The following ABHD18 variants were observed in gnomAD, a reference collection of about 807,000 sequenced individuals.
ABHD18 encodes the protein cardiolipin-specific deacylase, mitochondrial.
ABHD18 carries 55 observed loss-of-function variants against 65.9 expected under a neutral mutation model. The observed-to-expected ratio is 0.84, with a 90% CI of 0.67 to 1.05. The LOEUF (loss-of-function observed/expected upper bound fraction) is 1.05. Among genes scored for constraint, ABHD18 ranks in the 50% least tolerant of loss-of-function variants. The pLI, the probability that ABHD18 is intolerant of heterozygous loss-of-function variation, is 0.00. For synonymous variants in ABHD18, 181 were observed against 180.2 expected, an observed-to-expected ratio of 1.00 and a Z score of -0.04; for missense variants, 533 against 558.5, an observed-to-expected ratio of 0.95 and a Z score of 0.46.
Position 128,028,733 on chromosome 4 carries a change from C to A in ABHD18, c.1060C>A (p.Arg354Ser). 6.2e-7 allele frequency: 1 copy of A among 1,613,854 alleles called. No homozygotes were observed. The highest frequency in any genetic ancestry group is 8.5e-7 in the Non-Finnish European group (1 of 1,179,856). The change falls in exon 11 of 13, where the codon CGC becomes AGC. Residue 354 changes from arginine (R) to serine (S), a missense_variant. Arg to Ser is a moderately radical substitution (Grantham distance 110, BLOSUM62 -1). Coordinates refer to ENST00000645843, the MANE Select transcript of ABHD18 (RefSeq NM_001358451.3). ...AACCAACAAAAGTGGTTATACAAGT[C>A]GCAACCCTCAGTCATACCACCTACT... is the stretch of plus-strand genomic sequence containing the variant. ...LSTNKSGYTS[R>S]NPQSYHLLSK...
At chr4:127,988,238 T>C (rs763866185) in intron 3 of ABHD18, among the ~76,000 whole-genome samples, 1 of 152,172 alleles carries the variant, frequency 6.6e-6, no homozygotes, top group Non-Finnish European at 1.5e-5. Flanking sequence ...AACAAAATAC[T>C]GTTTTGTTTT....
chr4:127,966,879 T>C (rs1745658041), intron 1 of ABHD18, among the ~76,000 whole-genome samples: 1 of 147,726 alleles, frequency 6.8e-6, no homozygotes, highest in African/African-American at 2.5e-5. Context: ...AGTGAGATTC[T>C]GTCTCAAAAA....
At chr4:127,978,891 G>A (rs914612084) in intron 1 of ABHD18, among the ~76,000 whole-genome samples, 2 of 152,014 alleles carry the variant, frequency 1.3e-5, no homozygotes, top group African/African-American at 4.8e-5. Flanking sequence ...ACACTCCAAC[G>A]AACCCACTGT....
intron 4 of ABHD18, among the ~76,000 whole-genome samples, chr4:127,999,991 C>T (rs367849338): frequency 3.3e-5 from 5 of 152,206 alleles, no homozygotes; most frequent in Admixed American, 2.0e-4. Context: ...GTGAAAGGCA[C>T]ATCTCATATG....
chr4:127,975,438 G>A (rs1052403671), intron 1 of ABHD18, among the ~76,000 whole-genome samples: 32 of 152,270 alleles, frequency 2.1e-4, no homozygotes, highest in Admixed American at 9.2e-4. Flanking sequence ...TTCACTTAGC[G>A]TAATGTCCTC....
In ABHD18 at chr4:128,021,138, G is replaced by T. The variant is rs1374754682; in HGVS notation, c.701G>T (p.Gly234Val). Residue 234 changes from glycine (G) to valine (V), a missense_variant and splice_region_variant, in exon 10 of 13, where the codon GGT becomes GTT. Physicochemically the swap from Gly to Val is moderately radical, Grantham distance 109. This residue lies in a region of ABHD18 where 309 missense variants were observed against 313.5 expected (regional missense o/e 0.99). Coordinates refer to ENST00000645843, the MANE Select transcript of ABHD18 (RefSeq NM_001358451.3). ...TCTTAATTTAGCTTATTATTTCAGG[G>T]TGTGTTGAGTAAATCAATTAATTGG... ...WSTASGVFTT[G>V]VLSKSINWRE... is the part of the protein sequence containing the mutation. The T allele has an allele frequency of 1.3e-6, 2 of 1,531,498 alleles. No homozygotes were observed. The highest frequency in any genetic ancestry group is 1.8e-6 in the Non-Finnish European group (2 of 1,130,266). 94.9% of individuals were successfully genotyped at this position (1,531,498 alleles called of 1,614,324 possible).
chr4:127,986,748 G>T (rs1243422805), intron 3 of ABHD18, among the ~76,000 whole-genome samples: 1 of 152,142 alleles, frequency 6.6e-6, no homozygotes, highest in South Asian at 2.1e-4. Flanking sequence ...ATCATAGTGG[G>T]TATAAAAGTA....
intron 1 of ABHD18, among the ~76,000 whole-genome samples, chr4:127,966,590 G>A (rs1745464830): frequency 1.3e-5 from 2 of 151,414 alleles, no homozygotes; most frequent in African/African-American, 4.9e-5. Context: ...TGGGTGCGAT[G>A]GTTCATGCCT....
intron 7 of ABHD18, among the ~76,000 whole-genome samples, chr4:128,015,863 C>T (rs972509832): frequency 6.6e-6 from 1 of 151,432 alleles, no homozygotes; most frequent in Non-Finnish European, 1.5e-5. Flanking sequence ...AAAGTAGATT[C>T]TAATTTGGTC....
intron 4 of ABHD18, among the ~76,000 whole-genome samples, chr4:127,993,512 T>C (rs1415218688): frequency 6.7e-6 from 1 of 149,734 alleles, no homozygotes; most frequent in Non-Finnish European, 1.5e-5. Context: ...TATTTTTCCT[T>C]TCCCCCGTCA....
intron 4 of ABHD18, among the ~76,000 whole-genome samples, chr4:127,997,887 T>C (rs1195666046): frequency 6.6e-6 from 1 of 151,996 alleles, no homozygotes; most frequent in Non-Finnish European, 1.5e-5. Context: ...CGTTTTTTTT[T>C]GTTTGTTTGT....
At chr4:127,982,484 A>G (rs947583043) in intron 1 of ABHD18, among the ~76,000 whole-genome samples, 5 of 152,110 alleles carry the variant, frequency 3.3e-5, no homozygotes, top group African/African-American at 1.2e-4. Flanking sequence ...TAGCTGTGTG[A>G]CCTTGGGTAA....
rs1384718493 is a variant in ABHD18 at position 128,012,127 on chromosome 4, CCACCACACCT to C, written c.470+428_470+437del. Reference sequence around the variant, plus strand: ...AAGTAGCTGGAATTACAGGCATGCACCACCACACCTGGCTAATTTTTGTATGTTTAGTAGA... The same window carrying C: ...AAGTAGCTGGAATTACAGGCATGCACGGCTAATTTTTGTATGTTTAGTAGA... On this transcript the variant is annotated intron_variant, in intron 7 of 12. Coordinates refer to ENST00000645843, the MANE Select transcript of ABHD18 (RefSeq NM_001358451.3). 2.0e-5 allele frequency among the ~76,000 whole-genome samples: 3 copies of C among 152,180 alleles called. No homozygotes were observed. The South Asian group carries it at 6.2e-4, about 32-fold the overall frequency.
At chr4:128,025,310 G>A (rs1031730145) in intron 10 of ABHD18, among the ~76,000 whole-genome samples, 16 of 151,998 alleles carry the variant, frequency 1.1e-4, no homozygotes, top group African/African-American at 3.1e-4. Flanking sequence ...GCTAATTTTT[G>A]TATTTTTTGT....
At chr4:127,970,366 G>A (rs1186752458) in intron 1 of ABHD18, among the ~76,000 whole-genome samples, 1 of 151,882 alleles carries the variant, frequency 6.6e-6, no homozygotes, top group African/African-American at 2.4e-5. Flanking sequence ...GCCAAGATGG[G>A]CAGATCACCT....
At chr4:127,974,976 A>G (rs1230411229) in intron 1 of ABHD18, among the ~76,000 whole-genome samples, 1 of 142,238 alleles carries the variant, frequency 7.0e-6, no homozygotes, top group Non-Finnish European at 1.5e-5. Flanking sequence ...AGCCTAGGCA[A>G]CAAGAGCAAA....
Position 128,037,296 on chromosome 4 carries a change from A to C in ABHD18, c.*1483A>C, listed in dbSNP as rs1560957420. 6.6e-6 allele frequency: 1 copy of C among 152,180 alleles called. No homozygotes were observed. Among genetic ancestry groups the C allele is most frequent in the Non-Finnish European group, 1.5e-5 (1 of 68,070 alleles). 9.4% of individuals were successfully genotyped at this position (152,180 alleles called of 1,614,324 possible). ...AGGAGAAGGAGCAAGACTCTGTCTCAAAACAAAACAAAATGCCAAACTTAT... is the reference window on the plus strand; with the variant it reads ...AGGAGAAGGAGCAAGACTCTGTCTCCAAACAAAACAAAATGCCAAACTTAT... On this transcript the variant is annotated 3_prime_UTR_variant, in exon 13 of 13. Transcript: ENST00000645843.
chr4:128,034,850 C>T (rs150595148), intron 12 of ABHD18, among the ~76,000 whole-genome samples: 7 of 152,220 alleles, frequency 4.6e-5, no homozygotes, highest in Admixed American at 1.3e-4. Context: ...CGGGGTTTCT[C>T]CATGTTGATC....
chr4:128,031,478 AT>A (rs1169696750), intron 12 of ABHD18, among the ~76,000 whole-genome samples: 1 of 151,892 alleles, frequency 6.6e-6, no homozygotes, highest in African/African-American at 2.4e-5. Context: ...AAAAAAAAAA[AT>A]TTTTTTATGC....
Sources: gnomAD v4.1 joint callset for allele counts (sites outside exome capture counted in the v4.1 genomes callset) on GRCh38, gnomAD v4.1.1 for gene constraint, gnomAD v4.1.1 regional missense constraint, MANE v1.5 for transcripts, NCBI Gene and HGNC (gene_info 2026-07-23, HGNC 2026-07-21) for gene names.